The following ATXN7L1 variants were observed in gnomAD, a reference collection of about 807,000 sequenced individuals.
ATXN7L1 encodes ataxin 7 like 1, also known as ataxin-7-like protein 1.
ATXN7L1 carries 15 observed loss-of-function variants against 70.8 expected under a neutral mutation model. The observed-to-expected ratio is 0.21, with a 90% confidence interval of 0.14 to 0.33. The LOEUF is 0.33. Ranked by LOEUF, ATXN7L1 falls within the 10% of genes least tolerant of loss-of-function variation. The pLI, the probability that ATXN7L1 is intolerant of heterozygous loss-of-function variation, is 1.00. For missense variants in ATXN7L1, 975 were observed against 1,097.1 expected (o/e 0.89, Z 1.57); for synonymous variants, 440 against 445.1 (o/e 0.99, Z 0.14).
rs184375697 is a variant in ATXN7L1, at chr7:105,869,171, C to T, written c.250+6641G>A. On this transcript the variant is annotated intron_variant, in intron 2 of 11. Coordinates refer to ENST00000419735, the MANE Select transcript of ATXN7L1 (RefSeq NM_020725.2). Reference sequence around the variant, plus strand: ...TCCTCCCTACCACCTTTAAGCCGCTCCATCTCTCCCATCCTTCCATCCCAA... The same window carrying T: ...TCCTCCCTACCACCTTTAAGCCGCTTCATCTCTCCCATCCTTCCATCCCAA... 1.4e-3 allele frequency among the ~76,000 whole-genome samples: 207 copies of T among 152,264 alleles called. 2 individuals are homozygous for T. The South Asian group carries it at 0.025, about 18-fold the overall frequency.
intron 3 of ATXN7L1, among the ~76,000 whole-genome samples, chr7:105,786,605 C>T (rs971097526): frequency 1.3e-5 from 2 of 152,242 alleles, no homozygotes; most frequent in South Asian, 2.1e-4. Context: ...ACAGCAACCT[C>T]GAACTGCTGG....
chr7:105,821,402 G>C (rs1810140404), intron 2 of ATXN7L1, among the ~76,000 whole-genome samples: 2 of 152,222 alleles, frequency 1.3e-5, no homozygotes, highest in African/African-American at 4.8e-5. Flanking sequence ...CAAAAAAACT[G>C]ACTAACACAC....
intron 3 of ATXN7L1, among the ~76,000 whole-genome samples, chr7:105,698,171 G>A (rs1193837456): frequency 1.3e-5 from 2 of 152,026 alleles, no homozygotes; most frequent in Non-Finnish European, 2.9e-5. Context: ...AGTCGTGTCC[G>A]CACTCAGCTC....
intron 3 of ATXN7L1, among the ~76,000 whole-genome samples, chr7:105,667,090 A>G (rs1802723903): frequency 6.6e-6 from 1 of 152,218 alleles, no homozygotes. Context: ...AAAATATTGA[A>G]CAATTTTACT....
intron 3 of ATXN7L1, among the ~76,000 whole-genome samples, chr7:105,735,957 C>T (rs1175907305): frequency 6.6e-6 from 1 of 152,134 alleles, no homozygotes; most frequent in East Asian, 1.9e-4. Flanking sequence ...TTGCCTTATA[C>T]TTATTATTTA....
chr7:105,684,765 C>T (rs995381206), intron 3 of ATXN7L1, among the ~76,000 whole-genome samples: 3 of 152,176 alleles, frequency 2.0e-5, no homozygotes, highest in African/African-American at 7.2e-5. Context: ...AGAGGACAGG[C>T]CCAAGAGGGC....
At chr7:105,732,283 C>A (rs1380411733) in intron 3 of ATXN7L1, among the ~76,000 whole-genome samples, 1 of 151,918 alleles carries the variant, frequency 6.6e-6, no homozygotes, top group African/African-American at 2.4e-5. Context: ...CGTGGTGGTG[C>A]GTGCCTGTAG....
chr7:105,624,272 G>A lies in ATXN7L1; in HGVS notation c.1203-5C>T, dbSNP rs1271661519. Reference sequence around the variant, plus strand: ...ATGCTATTTGCAGATGATGGTCTAAGGGCAAGAGCGGAGAACAAACAAAAT... The same window carrying A: ...ATGCTATTTGCAGATGATGGTCTAAAGGCAAGAGCGGAGAACAAACAAAAT... On this transcript the variant is annotated splice_region_variant and splice_polypyrimidine_tract_variant and intron_variant, in intron 7 of 11. Coordinates refer to ENST00000419735, the MANE Select transcript of ATXN7L1 (RefSeq NM_020725.2). 7.2e-7 allele frequency: 1 copy of A among 1,394,310 alleles called. No individual in the cohort carries two copies. 86.4% of individuals were successfully genotyped at this position (1,394,310 alleles called of 1,614,324 possible).
chr7:105,783,101 G>A (rs1295407201), intron 3 of ATXN7L1, among the ~76,000 whole-genome samples: 4 of 152,104 alleles, frequency 2.6e-5, no homozygotes, highest in East Asian at 1.9e-4. Flanking sequence ...TTTTATAGAC[G>A]AGGAAAAGAA....
At chr7:105,637,970 T>C (rs544523042) in intron 7 of ATXN7L1, among the ~76,000 whole-genome samples, 3 of 152,264 alleles carry the variant, frequency 2.0e-5, no homozygotes, top group African/African-American at 7.2e-5. Flanking sequence ...TCAACTAATA[T>C]AAAAGCCCAG....
chr7:105,690,034 C>T (rs997798063), intron 3 of ATXN7L1, among the ~76,000 whole-genome samples: 2 of 152,138 alleles, frequency 1.3e-5, no homozygotes, highest in African/African-American at 4.8e-5. Flanking sequence ...GACGGAGTTT[C>T]GCTCTTGTTG....
At chr7:105,615,682 T>C (rs759951727) in intron 9 of ATXN7L1, among the ~76,000 whole-genome samples, 4 of 152,152 alleles carry the variant, frequency 2.6e-5, no homozygotes, top group Non-Finnish European at 4.4e-5. Flanking sequence ...GGGACCCTCA[T>C]ATGTCCAGAG....
At chr7:105,867,249 G>C (rs1817621584) in intron 2 of ATXN7L1, among the ~76,000 whole-genome samples, 1 of 152,194 alleles carries the variant, frequency 6.6e-6, no homozygotes, top group Admixed American at 6.5e-5. Context: ...CAGCCACTTT[G>C]CTTTCCGTCA....
At chr7:105,747,478 C>CT (rs1351463352) in intron 3 of ATXN7L1, among the ~76,000 whole-genome samples, 7 of 152,326 alleles carry the variant, frequency 4.6e-5, no homozygotes, top group Non-Finnish European at 8.8e-5. Context: ...TTATGTATCT[C>CT]TTTATCTGGC....
chr7:105,755,837 A>G (rs1349794392), intron 3 of ATXN7L1, among the ~76,000 whole-genome samples: 1 of 152,222 alleles, frequency 6.6e-6, no homozygotes, highest in African/African-American at 2.4e-5. Flanking sequence ...ACACCACACG[A>G]AAGAGATGCT....
At chr7:105,609,455 C>G (rs1792964253) in intron 11 of ATXN7L1, among the ~76,000 whole-genome samples, 1 of 150,692 alleles carries the variant, frequency 6.6e-6, no homozygotes, top group South Asian at 2.1e-4. Context: ...GCATAAGCCA[C>G]CATGCCTGGC....
intron 3 of ATXN7L1, among the ~76,000 whole-genome samples, chr7:105,765,315 GAA>G (rs756390237): frequency 2.2e-5 from 3 of 139,262 alleles, no homozygotes; most frequent in African/African-American, 5.2e-5. Flanking sequence ...GCCTGGGTCA[GAA>G]AAAAAAAAAA....
rs532722572 is a variant in ATXN7L1 at position 105,813,883 on chromosome 7, G to A, written c.251-25175C>T. 5.3e-5 allele frequency among the ~76,000 whole-genome samples: 8 copies of A among 152,196 alleles called. No individual in the cohort carries two copies. In the East Asian group the frequency reaches 1.5e-3, roughly 29 times the overall value. ...TGAATTCTGAACTTGAGATAGCTGG[G>A]TGTTTTCTGATAATTTCTCCATGTA... On this transcript the variant is annotated intron_variant, in intron 2 of 11. Coordinates refer to ENST00000419735, the MANE Select transcript of ATXN7L1 (RefSeq NM_020725.2).
intron 3 of ATXN7L1, 97 bp downstream of exon 3, chr7:105,788,507 C>A: frequency 9.9e-7 from 1 of 1,005,694 alleles, no homozygotes; most frequent in African/African-American, 1.6e-5. Flanking sequence ...CAGGCTGAGA[C>A]AAGACATGGC....
Sources: allele counts gnomAD v4.1 joint callset (sites outside exome capture counted in the v4.1 genomes callset), GRCh38; gene constraint gnomAD v4.1.1; transcripts MANE v1.5; gene names NCBI Gene and HGNC (gene_info 2026-07-23, HGNC 2026-07-21).